The following PPEF2 variants were observed in gnomAD, a reference collection of about 807,000 sequenced individuals.
The protein encoded by PPEF2 is serine/threonine-protein phosphatase with EF-hands 2.
PPEF2 carries 84 observed loss-of-function variants against 84.7 expected under a neutral mutation model. That is an observed-to-expected ratio of 0.99 (90% CI 0.83 to 1.19). The LOEUF is 1.19. Among genes scored for constraint, PPEF2 ranks in the 50% most tolerant of loss-of-function variants. The pLI is 0.00. For missense variants in PPEF2, 924 were observed against 937.5 expected, an observed-to-expected ratio of 0.99 and a Z score of 0.19; for synonymous variants, 346 against 345.2, an observed-to-expected ratio of 1.00 and a Z score of -0.03.
chr4:75,863,619 T>C (rs1047213906), intron 16 of PPEF2, among the ~76,000 whole-genome samples: 5 of 152,108 alleles, frequency 3.3e-5, no homozygotes, highest in African/African-American at 1.2e-4. Context: ...GGTTTGTGAA[T>C]TATGCCTTAA....
Position 75,890,011 on chromosome 4 carries a change from G to A in PPEF2, c.363C>T (p.Phe121=), listed in dbSNP as rs762331318. 20 of 1,614,042 alleles carry A rather than the reference G, an allele frequency of 1.2e-5. 1 individual carries two copies. The South Asian group carries it at 2.1e-4, about 17-fold the overall frequency. ...PDSYTGPRLS[F]PLLPDHATAL... ...CAGTTGCATGGTCAGGCAGGAGTGG[G>A]AAGGAGAGGCGTGGCCCCGTGTAAC... Residue 121 remains phenylalanine, a synonymous_variant, in exon 5 of 17, where the codon TTC becomes TTT. Transcript: ENST00000286719.
intron 5 of PPEF2, among the ~76,000 whole-genome samples, chr4:75,888,894 C>T (rs370760286): frequency 6.6e-6 from 1 of 152,234 alleles, no homozygotes; most frequent in Non-Finnish European, 1.5e-5. Flanking sequence ...TGTCTTAACA[C>T]AGCAACCAGA....
intron 1 of PPEF2, among the ~76,000 whole-genome samples, chr4:75,896,791 T>C (rs79956995): frequency 1.8e-4 from 28 of 152,340 alleles, no homozygotes; most frequent in African/African-American, 5.5e-4. Context: ...GATCAAAGCC[T>C]TTCCTGATGC....
At chr4:75,891,588 T>C (rs1311134485) in intron 4 of PPEF2, 60 bp downstream of exon 4, 1 of 1,521,492 alleles carries the variant, frequency 6.6e-7, no homozygotes, top group Non-Finnish European at 8.9e-7. Flanking sequence ...ATCCCCCACC[T>C]CACCGTGTAA....
chr4:75,892,117 G>T (rs747710009), intron 2 of PPEF2, 139 bp from the exon 3 acceptor site: 2 of 1,126,548 alleles, frequency 1.8e-6, no homozygotes, highest in Non-Finnish European at 2.5e-6. Context: ...ACCCATTGAC[G>T]CCCATAGGAA....
intron 8 of PPEF2, 64 bp from the exon 9 acceptor site, chr4:75,883,266 C>A (rs1219384391): frequency 2.7e-6 from 4 of 1,464,322 alleles, no homozygotes; most frequent in Non-Finnish European, 3.8e-6. Context: ...GGCATAATCA[C>A]ATTTTTAGAA....
intron 1 of PPEF2, among the ~76,000 whole-genome samples, chr4:75,900,953 T>C (rs1578019593): frequency 6.6e-6 from 1 of 152,156 alleles, no homozygotes. Flanking sequence ...ATAAAAAAAG[T>C]CAGTAAGTAT....
In PPEF2 at chr4:75,860,262, C is replaced by T. The variant is rs747287799; in HGVS notation, c.*405G>A. On this transcript the variant is annotated 3_prime_UTR_variant, in exon 17 of 17. Transcript: ENST00000286719. ...ACTCAGGAGGCTGAGGCAGGAGAAT[C>T]GCCTGGGAGGCGGACTTTGCGGTGA... 2.1e-5 allele frequency: 4 copies of T among 190,490 alleles called. No individual in the cohort carries two copies. The highest frequency in any genetic ancestry group is 4.3e-5 in the Non-Finnish European group (4 of 92,124). 11.8% of individuals were successfully genotyped at this position (190,490 alleles called of 1,614,324 possible). A position where few individuals can be genotyped will look rare whatever the true frequency, so the allele number is the denominator to read the frequency against.
intron 11 of PPEF2, among the ~76,000 whole-genome samples, chr4:75,873,647 G>A (rs1222288850): frequency 6.6e-6 from 1 of 152,208 alleles, no homozygotes; most frequent in Non-Finnish European, 1.5e-5. Context: ...GTCAGTCAGT[G>A]CCAATGCTCC....
chr4:75,877,161 A>C (rs1724447013), intron 10 of PPEF2, among the ~76,000 whole-genome samples: 1 of 151,632 alleles, frequency 6.6e-6, no homozygotes, highest in African/African-American at 2.4e-5. Flanking sequence ...AACATGGAGA[A>C]ACCCCATCTC....
At chr4:75,869,833 C>A (rs1724226001) in intron 13 of PPEF2, among the ~76,000 whole-genome samples, 1 of 145,946 alleles carries the variant, frequency 6.9e-6, no homozygotes, top group Non-Finnish European at 1.5e-5. Context: ...GGTGACACAG[C>A]GAGACCCTGT....
In PPEF2 at chr4:75,884,635, A is replaced by C. The variant is rs1724674658; in HGVS notation, c.705T>G (p.His235Gln). The change falls in exon 8 of 17, where the codon CAT becomes CAG. Residue 235 changes from histidine (H) to glutamine (Q), a missense_variant. By Grantham distance (24) the His-to-Gln change is conservative. Transcript: ENST00000286719. ...AFMLVYPKEF[H>Q]LNRGNHEDHM... ...GGTCCTCATGGTTTCCTCTGTTAAG[A>C]TGGAACTCTTTGGGGTAAACCAGCA... 1 of 1,613,182 alleles carries C rather than the reference A, an allele frequency of 6.2e-7. No homozygotes were observed. The highest frequency in any genetic ancestry group is 1.3e-5 in the African/African-American group (1 of 74,872).
Position 75,884,710 on chromosome 4 carries a change from C to T in PPEF2, c.630G>A (p.Val210=). 1.2e-6 allele frequency: 2 copies of T among 1,612,854 alleles called. No individual in the cohort carries two copies. Among genetic ancestry groups the T allele is most frequent in the Non-Finnish European group, 1.7e-6 (2 of 1,179,698 alleles). Residue 210 remains valine, a synonymous_variant, in exon 8 of 17, where the codon GTG becomes GTA. Coordinates refer to ENST00000286719, the MANE Select transcript of PPEF2 (RefSeq NM_006239.3). ...ERSYVFNGDF[V]DRGKDSVEIL... ...TCTCTACTGAATCCTTGCCTCGATC[C>T]ACAAAGTCACCGTTGAACACATATG...
In PPEF2 at chr4:75,866,272, G is replaced by A. The variant is rs202109955; in HGVS notation, c.1837C>T (p.Gln613Ter). 6.8e-6 allele frequency: 11 copies of A among 1,614,158 alleles called. No homozygotes were observed. The highest frequency in any genetic ancestry group is 9.3e-6 in the Non-Finnish European group (11 of 1,180,030). ...TTGTCTGCTGAGCTGTTCACCAGCT[G>A]TGGCCTCAGCATCCGCCATGGCAGT... ...LGLPWRMLRPQLVNSSADNML... is the reference protein window; with the variant it reads ...LGLPWRMLRP The change falls in exon 15 of 17, where the codon CAG becomes TAG. Residue 613 changes from glutamine (Q) to a stop codon, truncating the protein, a stop_gained. Coordinates refer to ENST00000286719, the MANE Select transcript of PPEF2 (RefSeq NM_006239.3). LOFTEE classifies it high-confidence loss of function.
chr4:75,870,824 C>T (rs975702537), intron 13 of PPEF2, among the ~76,000 whole-genome samples: 3 of 152,058 alleles, frequency 2.0e-5, no homozygotes, highest in South Asian at 4.1e-4. Context: ...TTCTTTATAA[C>T]ATTTTGTGGT....
At chr4:75,865,896 T>G (rs1724118448) in intron 15 of PPEF2, among the ~76,000 whole-genome samples, 1 of 152,162 alleles carries the variant, frequency 6.6e-6, no homozygotes, top group Non-Finnish European at 1.5e-5. Flanking sequence ...GAGTCCCAAC[T>G]TAGTCGTTCT....
chr4:75,899,192 A>G (rs1221414749), intron 1 of PPEF2, among the ~76,000 whole-genome samples: 2 of 152,154 alleles, frequency 1.3e-5, no homozygotes, highest in African/African-American at 4.8e-5. Context: ...ACAGGATTTC[A>G]TCCTTTTTAT....
intron 10 of PPEF2, among the ~76,000 whole-genome samples, chr4:75,882,176 C>A (rs1724592897): frequency 6.6e-6 from 1 of 152,206 alleles, no homozygotes; most frequent in African/African-American, 2.4e-5. Flanking sequence ...AGGGCAGGCA[C>A]CATCTCTGTT....
In PPEF2 at chr4:75,863,504, A is replaced by T. The variant is rs868267155; in HGVS notation, c.2008+936T>A. On this transcript the variant is annotated intron_variant, in intron 16 of 16. Coordinates refer to ENST00000286719, the MANE Select transcript of PPEF2 (RefSeq NM_006239.3). ...GACAGAGGGAGACTCCGTCTCAAAA[A>T]AAAAAAAAAAAAAAGTTATAAAATT... 5.9e-3 allele frequency among the ~76,000 whole-genome samples: 897 copies of T among 150,880 alleles called. 4 individuals are homozygous for T. The highest frequency in any genetic ancestry group is 0.054 in the Middle Eastern group (16 of 294).
Sources: gnomAD v4.1 joint callset for allele counts (sites outside exome capture counted in the v4.1 genomes callset) on GRCh38, gnomAD v4.1.1 for gene constraint, MANE v1.5 for transcripts, NCBI Gene and HGNC (gene_info 2026-07-23, HGNC 2026-07-21) for gene names.